BRAP: variants seen among roughly 807,000 people sequenced by gnomAD.
The protein encoded by BRAP is BRCA1-associated protein.
In BRAP, 42 loss-of-function variants were observed where a neutral mutation model predicts 73.4. That is an observed-to-expected ratio of 0.57 (90% CI 0.45 to 0.74). The LOEUF is 0.74. Ranked by LOEUF, BRAP falls within the 30% of genes least tolerant of loss-of-function variation. The probability of loss-of-function intolerance (pLI) is 0.00; values close to 1 mark genes in which losing one functional copy is unlikely to be tolerated. For missense variants in BRAP, 593 were observed against 751.4 expected (o/e 0.79, Z 2.46); for synonymous variants, 255 against 267.4 (o/e 0.95, Z 0.45).
At chr12:111,656,612 G>C (rs1209092203) in intron 9 of BRAP, among the ~76,000 whole-genome samples, 7 of 152,242 alleles carry the variant, frequency 4.6e-5, no homozygotes, top group Non-Finnish European at 8.8e-5. Context: ...AGACTACAGA[G>C]AGGGCAAGGA....
chr12:111,667,386 A>C (rs1180293506), intron 5 of BRAP, among the ~76,000 whole-genome samples: 1 of 152,174 alleles, frequency 6.6e-6, no homozygotes, highest in African/African-American at 2.4e-5. Flanking sequence ...CTATGCTTTT[A>C]AAGATGTGTT....
intron 6 of BRAP, among the ~76,000 whole-genome samples, chr12:111,663,222 G>C (rs569972774): frequency 2.6e-5 from 4 of 152,296 alleles, no homozygotes; most frequent in African/African-American, 7.2e-5. Context: ...GGGAGGCTGA[G>C]GTGAGTGGAT....
At chr12:111,652,364 T>C (rs1474024172) in intron 10 of BRAP, among the ~76,000 whole-genome samples, 2 of 151,882 alleles carry the variant, frequency 1.3e-5, no homozygotes, top group Admixed American at 6.6e-5. Flanking sequence ...GCTGGGACTA[T>C]GGGCACCCGC....
intron 5 of BRAP, among the ~76,000 whole-genome samples, chr12:111,667,275 G>A (rs951929876): frequency 5.9e-5 from 9 of 152,134 alleles, no homozygotes; most frequent in African/African-American, 1.4e-4. Flanking sequence ...AGAGCTCAGC[G>A]AGCAGTTACC....
chr12:111,679,338 T>A lies in BRAP; in HGVS notation c.446A>T (p.Lys149Met). 1 of 1,525,670 alleles carries A rather than the reference T, an allele frequency of 6.6e-7. No individual in the cohort carries two copies. The highest frequency in any genetic ancestry group is 2.0e-5 in the Admixed American group (1 of 50,282). 94.5% of individuals were successfully genotyped at this position (1,525,670 alleles called of 1,614,324 possible). ...HGIMHLYKTN[K>M]MTSLKEDVRR... ...CACATCTTCTTTTAAGGAGGTCATC[T>A]TACTAACAAAAAAAAAATTAGAGTG... The change falls in exon 4 of 12, where the codon AAG becomes ATG. Residue 149 changes from lysine (K) to methionine (M), a missense_variant and splice_region_variant. Around this residue, in one of 4 missense-constraint regions of BRAP, gnomAD observed 304 missense variants for 337.7 expected, o/e 0.90. Transcript: ENST00000419234.
chr12:111,685,888 C>A lies in BRAP; in HGVS notation c.-96G>T. ...CGGCCCGGGGCCGGCAGCGCCGCCA[C>A]CACCTCAATGCAGTTGCCGCCGCCT... is the stretch of plus-strand genomic sequence containing the variant. On this transcript the variant is annotated 5_prime_UTR_variant, in exon 1 of 12. Coordinates refer to ENST00000419234, the MANE Select transcript of BRAP (RefSeq NM_006768.5). 1.2e-6 allele frequency: 1 copy of A among 815,528 alleles called. No homozygotes were observed. The highest frequency in any genetic ancestry group is 1.7e-6 in the Non-Finnish European group (1 of 582,832). 50.5% of individuals were successfully genotyped at this position (815,528 alleles called of 1,614,324 possible).
chr12:111,664,827 C>T lies in BRAP; in HGVS notation c.896+812G>A, dbSNP rs528328647. 2.6e-5 allele frequency among the ~76,000 whole-genome samples: 4 copies of T among 152,296 alleles called. No individual in the cohort carries two copies. The South Asian group carries it at 8.3e-4, about 32-fold the overall frequency. On this transcript the variant is annotated intron_variant, in intron 6 of 11. Transcript: ENST00000419234. ...TGCCTTCTCTGGGTTCTGCTCTTTACCCGGCTTAACTCCTAATTACCCTCC... is the reference window on the plus strand; with the variant it reads ...TGCCTTCTCTGGGTTCTGCTCTTTATCCGGCTTAACTCCTAATTACCCTCC...
At chr12:111,685,281 A>G (rs753112322) in intron 1 of BRAP, among the ~76,000 whole-genome samples, 15 of 152,256 alleles carry the variant, frequency 9.9e-5, no homozygotes, top group Non-Finnish European at 4.4e-5. Flanking sequence ...GGATATAGGA[A>G]GTGTCCAAAT....
chr12:111,682,539 T>G (rs1222430049), intron 2 of BRAP, among the ~76,000 whole-genome samples: 4 of 128,904 alleles, frequency 3.1e-5, no homozygotes, highest in Non-Finnish European at 5.0e-5. Context: ...AAAGAAAAAA[T>G]GAGCTGGCAG....
chr12:111,655,533 A>G (rs1202163196), intron 10 of BRAP, 33 bp downstream of exon 10: 1 of 1,561,092 alleles, frequency 6.4e-7, no homozygotes, highest in Non-Finnish European at 8.8e-7. Flanking sequence ...GCCATGTGTC[A>G]TTTCCGCAGT....
chr12:111,667,324 T>C (rs1419066083), intron 5 of BRAP, among the ~76,000 whole-genome samples: 1 of 152,078 alleles, frequency 6.6e-6, no homozygotes, highest in Non-Finnish European at 1.5e-5. Flanking sequence ...AAATATAATA[T>C]TGTAGGAGTT....
At position 111,644,341 on chromosome 12, in the gene BRAP, ATCT is replaced by A; in HGVS notation, c.1634_1636del (p.Lys545del). The A allele has an allele frequency of 6.2e-7, 1 of 1,612,674 alleles. No homozygotes were observed. The highest frequency in any genetic ancestry group is 8.5e-7 in the Non-Finnish European group (1 of 1,179,880). On this transcript the variant is annotated inframe_deletion, in exon 12 of 12. Coordinates refer to ENST00000419234, the MANE Select transcript of BRAP (RefSeq NM_006768.5). ...CCGGGTCTCGGCAGGCAGATGGTTGATCTTCTGCTGTGTCTCCAGGTAGAACAT... is the reference window on the plus strand; with the variant it reads ...CCGGGTCTCGGCAGGCAGATGGTTGATCTGCTGTGTCTCCAGGTAGAACAT...
chr12:111,659,524 G>T (rs1037505558), intron 7 of BRAP, among the ~76,000 whole-genome samples, 179 bp from the exon 8 acceptor site: 1 of 152,166 alleles, frequency 6.6e-6, no homozygotes, highest in Non-Finnish European at 1.5e-5. Context: ...CGTGGTGGCA[G>T]CTGCCTGTAA....
intron 11 of BRAP, among the ~76,000 whole-genome samples, chr12:111,646,211 A>C (rs1470005625): frequency 6.6e-6 from 1 of 152,066 alleles, no homozygotes; most frequent in Non-Finnish European, 1.5e-5. Context: ...GCTTGAGCCC[A>C]GGAATTTGAG....
chr12:111,657,587 A>G (rs1189821088), intron 9 of BRAP, among the ~76,000 whole-genome samples: 2 of 152,066 alleles, frequency 1.3e-5, no homozygotes, highest in East Asian at 3.9e-4. Context: ...TTTATATAAA[A>G]CATGACTCGT....
Position 111,660,672 on chromosome 12 carries a change from A to T in BRAP, c.900T>A (p.Cys300Ter). 6.2e-7 allele frequency: 1 copy of T among 1,604,708 alleles called. No homozygotes were observed. Among genetic ancestry groups the T allele is most frequent in the Non-Finnish European group, 8.5e-7 (1 of 1,175,580 alleles). The change falls in exon 7 of 12, where the codon TGT becomes TGA. Residue 300 changes from cysteine to a stop codon, truncating the protein, a stop_gained. Transcript: ENST00000419234. LOFTEE classifies it high-confidence loss of function. ...GCGTTTGACAGTACCGGCAAACAGG[A>T]CACCTATCCAGGACACCAAAAGATA... ...QCLQRWDDTT[C>*]PVCRYCQTPE...
At chr12:111,657,189 G>A (rs113586557) in intron 9 of BRAP, among the ~76,000 whole-genome samples, 8 of 152,126 alleles carry the variant, frequency 5.3e-5, no homozygotes, top group South Asian at 2.1e-4. Flanking sequence ...GATTACAGGC[G>A]CCCACCACCA....
chr12:111,667,861 G>C (rs1306864944), intron 5 of BRAP, among the ~76,000 whole-genome samples: 12 of 151,812 alleles, frequency 7.9e-5, no homozygotes, highest in Non-Finnish European at 8.8e-5. Flanking sequence ...TGTGCTTTTT[G>C]AGAGGCCATT....
intron 10 of BRAP, among the ~76,000 whole-genome samples, chr12:111,652,292 C>T (rs564526386): frequency 1.8e-4 from 28 of 152,178 alleles, no homozygotes; most frequent in Middle Eastern, 6.8e-3. Flanking sequence ...GGTGCAATCT[C>T]GGCTCACTGC....
Sources: gnomAD v4.1 joint callset for allele counts (sites outside exome capture counted in the v4.1 genomes callset) on GRCh38, gnomAD v4.1.1 for gene constraint, gnomAD v4.1.1 regional missense constraint, MANE v1.5 for transcripts, NCBI Gene and HGNC (gene_info 2026-07-23, HGNC 2026-07-21) for gene names.